CYRIB: variants seen among roughly 807,000 people sequenced by gnomAD.
CYRIB encodes CYFIP related Rac1 interactor B, also known as CYFIP-related Rac1 interactor B.
Under a neutral mutation model 44.2 loss-of-function variants are expected in CYRIB, and 8 were observed. The observed-to-expected ratio is 0.18, with a 90% CI of 0.11 to 0.33. The LOEUF (loss-of-function observed/expected upper bound fraction) is 0.33, where lower values mean the gene tolerates loss of function less well. CYRIB is among the 10% of genes least tolerant of loss of function. The pLI, the probability that CYRIB is intolerant of heterozygous loss-of-function variation, is 1.00. For missense variants in CYRIB, 185 were observed against 382.8 expected (o/e 0.48, Z 4.31); for synonymous variants, 131 against 127.2 (o/e 1.03, Z -0.20).
chr8:129,842,071 C>A, exon 12 of CYRIB: 2 of 1,090,298 alleles, frequency 1.8e-6, no homozygotes, highest in Non-Finnish European at 1.4e-6. Context: ...ATTGCAATCA[C>A]TAAAAAACTG....
chr8:129,891,300 T>C (rs892534411), intron 2 of CYRIB, among the ~76,000 whole-genome samples: 3 of 152,240 alleles, frequency 2.0e-5, no homozygotes, highest in African/African-American at 7.2e-5. Context: ...ACTAAATACA[T>C]ATATTAAAAT....
At chr8:130,002,556 G>T (rs756429253) in intron 1 of CYRIB, among the ~76,000 whole-genome samples, 1 of 152,182 alleles carries the variant, frequency 6.6e-6, no homozygotes, top group African/African-American at 2.4e-5. Context: ...ACGTGAAAAT[G>T]AGAGAAAGGG....
At chr8:130,010,715 T>C (rs1370789107) in intron 1 of CYRIB, among the ~76,000 whole-genome samples, 3 of 152,154 alleles carry the variant, frequency 2.0e-5, no homozygotes, top group African/African-American at 4.8e-5. Context: ...TTCGCATGCA[T>C]GCCTCCTCCT....
At chr8:129,887,047 A>T (rs1422633281) in intron 2 of CYRIB, among the ~76,000 whole-genome samples, 1 of 152,150 alleles carries the variant, frequency 6.6e-6, no homozygotes, top group Non-Finnish European at 1.5e-5. Flanking sequence ...TCTCCGCCCA[A>T]ATTCAATGAC....
chr8:129,916,241 C>T (rs537421833), intron 1 of CYRIB, among the ~76,000 whole-genome samples: 7 of 152,136 alleles, frequency 4.6e-5, no homozygotes, highest in East Asian at 1.9e-4. Flanking sequence ...TTGTCATTTC[C>T]GTAGCTCAGA....
At chr8:129,907,358 A>T (rs1282517297) in intron 1 of CYRIB, among the ~76,000 whole-genome samples, 1 of 151,996 alleles carries the variant, frequency 6.6e-6, no homozygotes, top group African/African-American at 2.4e-5. Flanking sequence ...AAAAAACCAA[A>T]CACTGCATGT....
At chr8:129,938,940 T>C (rs1039569254) in intron 1 of CYRIB, among the ~76,000 whole-genome samples, 4 of 152,144 alleles carry the variant, frequency 2.6e-5, no homozygotes, top group Admixed American at 2.0e-4. Flanking sequence ...ATAGTAGAAA[T>C]TGCGCGTTTG....
chr8:129,880,005 C>T (rs1003616391), intron 2 of CYRIB, among the ~76,000 whole-genome samples: 5 of 152,020 alleles, frequency 3.3e-5, no homozygotes, highest in African/African-American at 9.7e-5. Context: ...TGTGGAGGTA[C>T]GGAGACTACT....
intron 1 of CYRIB, among the ~76,000 whole-genome samples, chr8:129,907,275 T>C (rs1296042106): frequency 6.6e-6 from 1 of 152,126 alleles, no homozygotes; most frequent in Non-Finnish European, 1.5e-5. Context: ...CCATAAAAAA[T>C]GATGAGTTTA....
chr8:129,852,140 T>C, intron 8 of CYRIB, 22 bp downstream of exon 10: 4 of 1,442,828 alleles, frequency 2.8e-6, no homozygotes, highest in Non-Finnish European at 3.8e-6. Flanking sequence ...CAACACAGAG[T>C]ACCTGCCTAG....
rs535230301 is a variant in CYRIB, at chr8:129,991,613, G to A, written c.-295-20618C>T. ...CCACCAGCAAAAAGACTCACCAGACGCAGCCCCTCCACCTGGGACTTCTCA... is the reference window on the plus strand; with the variant it reads ...CCACCAGCAAAAAGACTCACCAGACACAGCCCCTCCACCTGGGACTTCTCA... On this transcript the variant is annotated intron_variant, in intron 1 of 14. Transcript: ENST00000401979. Among the ~76,000 whole-genome samples, 37 of 152,180 alleles carry A rather than the reference G, an allele frequency of 2.4e-4. 1 individual carries two copies. The highest frequency in any genetic ancestry group is 5.8e-4 in the African/African-American group (24 of 41,516).
At chr8:129,957,812 G>C (rs1472980205) in intron 2 of CYRIB, among the ~76,000 whole-genome samples, 1 of 151,862 alleles carries the variant, frequency 6.6e-6, no homozygotes, top group African/African-American at 2.4e-5. Context: ...AAAAATACAA[G>C]AAATTAGCCA....
intron 1 of CYRIB, among the ~76,000 whole-genome samples, chr8:129,994,742 T>A (rs955010758): frequency 6.6e-6 from 1 of 152,166 alleles, no homozygotes; most frequent in Non-Finnish European, 1.5e-5. Context: ...AAGAGGATTT[T>A]GATGAGAAAA....
rs544599458 is a variant in CYRIB, at chr8:129,921,574, A to AT, written c.-50+18033dup. Among the ~76,000 whole-genome samples, 255 of 152,240 alleles carry AT rather than the reference A, an allele frequency of 1.7e-3. 2 individuals are homozygous for AT. Among genetic ancestry groups the AT allele is most frequent in the South Asian group, 0.012 (56 of 4,822 alleles). ...AGGATCACACCACCACACTCAACTA[A>AT]TTTTTGTATTTTTTTTGGAGAGACA... On this transcript the variant is annotated intron_variant, in intron 1 of 11. Transcript: ENST00000519824.
chr8:129,901,185 A>G (rs2071584517), intron 2 of CYRIB, among the ~76,000 whole-genome samples: 1 of 152,126 alleles, frequency 6.6e-6, no homozygotes, highest in Admixed American at 6.5e-5. Context: ...AAGCTTCTTC[A>G]AAGCTATTTC....
intron 11 of CYRIB, among the ~76,000 whole-genome samples, chr8:129,842,457 C>T (rs963584545): frequency 1.3e-5 from 2 of 152,088 alleles, no homozygotes; most frequent in Non-Finnish European, 2.9e-5. Context: ...ATTGGTTGAC[C>T]TCTCAAGTAA....
At chr8:130,001,132 G>C (rs1040877860) in intron 1 of CYRIB, among the ~76,000 whole-genome samples, 1 of 152,104 alleles carries the variant, frequency 6.6e-6, no homozygotes, top group Admixed American at 6.6e-5. Flanking sequence ...TCCCATAAAC[G>C]GTTATAGCTC....
intron 1 of CYRIB, among the ~76,000 whole-genome samples, chr8:129,921,513 C>T (rs746893187): frequency 2.0e-5 from 3 of 152,152 alleles, no homozygotes; most frequent in Admixed American, 6.5e-5. Context: ...TGGAGTGCAG[C>T]GGCACGATCA....
intron 2 of CYRIB, among the ~76,000 whole-genome samples, chr8:129,963,131 C>A (rs988596532): frequency 1.3e-5 from 2 of 152,212 alleles, no homozygotes; most frequent in African/African-American, 4.8e-5. Context: ...GCTAGAACCG[C>A]TGACAACCAT....
Sources: gnomAD v4.1 joint callset for allele counts (sites outside exome capture counted in the v4.1 genomes callset) on GRCh38, gnomAD v4.1.1 for gene constraint, MANE v1.5 for transcripts, NCBI Gene and HGNC (gene_info 2026-07-23, HGNC 2026-07-21) for gene names.